Variants in PCDHGB2 observed in about 807,000 individuals in gnomAD.
PCDHGB2 encodes protocadherin gamma subfamily B, 2.
PCDHGB2 carries 55 observed loss-of-function variants against 59.3 expected under a neutral mutation model. That is an observed-to-expected ratio of 0.93 (90% CI 0.75 to 1.16). The LOEUF (loss-of-function observed/expected upper bound fraction) is 1.16, where lower values mean the gene tolerates loss of function less well. Ranked by LOEUF, PCDHGB2 falls within the 50% of genes most tolerant of loss-of-function variation. The pLI, the probability that PCDHGB2 is intolerant of heterozygous loss-of-function variation, is 0.00. For missense variants in PCDHGB2, 1,228 were observed against 1,198.5 expected, an observed-to-expected ratio of 1.02 and a Z score of -0.36; for synonymous variants, 516 against 512.0, an observed-to-expected ratio of 1.01 and a Z score of -0.11.
At chr5:141,469,142 G>A (rs1473440049) in intron 1 of PCDHGB2, among the ~76,000 whole-genome samples, 3 of 152,024 alleles carry the variant, frequency 2.0e-5, no homozygotes, top group East Asian at 1.9e-4. Flanking sequence ...CAGAAATGGT[G>A]GCACATGTCT....
chr5:141,488,548 T>C (rs112676623), intron 1 of PCDHGB2, among the ~76,000 whole-genome samples: 2 of 152,318 alleles, frequency 1.3e-5, no homozygotes, highest in African/African-American at 4.8e-5. Flanking sequence ...CCATGTCAGC[T>C]GACATTGAGA....
intron 1 of PCDHGB2, among the ~76,000 whole-genome samples, chr5:141,448,016 G>A (rs903673535): frequency 6.6e-6 from 1 of 152,006 alleles, no homozygotes; most frequent in South Asian, 2.1e-4. Context: ...AACCCAGGAG[G>A]TGGAGGTTGC....
chr5:141,382,530 G>A (rs1043069134), intron 1 of PCDHGB2, among the ~76,000 whole-genome samples: 2 of 152,150 alleles, frequency 1.3e-5, no homozygotes, highest in Non-Finnish European at 2.9e-5. Context: ...GTCTTAAAAT[G>A]GATTTTTAAT....
chr5:141,464,273 A>G (rs1330533734), intron 1 of PCDHGB2, among the ~76,000 whole-genome samples: 1 of 136,736 alleles, frequency 7.3e-6, no homozygotes, highest in African/African-American at 3.0e-5. Context: ...TAAAAAAAAA[A>G]AAAAGCAAAA....
At chr5:141,449,588 CAAAAAAA>C (rs768743917) in intron 1 of PCDHGB2, among the ~76,000 whole-genome samples, 5 of 57,506 alleles carry the variant, frequency 8.7e-5, no homozygotes, top group Admixed American at 3.6e-4. Flanking sequence ...GACTCTGTCT[CAAAAAAA>C]AAAAAAAAAA....
chr5:141,467,162 C>T (rs765574629), intron 1 of PCDHGB2, among the ~76,000 whole-genome samples: 1 of 151,724 alleles, frequency 6.6e-6, no homozygotes, highest in Non-Finnish European at 1.5e-5. Flanking sequence ...AAGTGATTCT[C>T]ATCTCTCAGC....
rs2099693161 is a variant in PCDHGB2, at chr5:141,489,871, G to T, written c.2422-4936G>T. ...TGAAGCCCAGGCAAGACATCAGCTG[G>T]TGCTTACTGCTGTGGATGGGGGGAC... On this transcript the variant is annotated intron_variant, in intron 1 of 3. Coordinates refer to ENST00000522605, the MANE Select transcript of PCDHGB2 (RefSeq NM_018923.3). This position sits in a 1 kb window ranked among gnomAD's most constrained non-coding sequence, Gnocchi z 4.5. The T allele has an allele frequency of 6.2e-7, 1 of 1,614,088 alleles. No homozygotes were observed. Among genetic ancestry groups the T allele is most frequent in the Non-Finnish European group, 8.5e-7 (1 of 1,180,022 alleles).
intron 1 of PCDHGB2, among the ~76,000 whole-genome samples, chr5:141,386,638 G>A (rs1376557329): frequency 6.6e-6 from 1 of 151,840 alleles, no homozygotes; most frequent in Non-Finnish European, 1.5e-5. Flanking sequence ...CACCCAGGCT[G>A]GATACATTTT....
chr5:141,403,544 C>A (rs1300060255), intron 1 of PCDHGB2: 2 of 1,613,970 alleles, frequency 1.2e-6, no homozygotes, highest in South Asian at 1.1e-5. Flanking sequence ...GGTGCTGGAG[C>A]GCGCCCTGGA....
intron 1 of PCDHGB2, among the ~76,000 whole-genome samples, chr5:141,459,742 T>C (rs2098974738): frequency 6.6e-6 from 1 of 152,248 alleles, no homozygotes; most frequent in Non-Finnish European, 1.5e-5. Context: ...TTTTAAATTT[T>C]AGCAATTCTA....
intron 1 of PCDHGB2, chr5:141,404,208 A>G (rs1411239715): frequency 6.2e-7 from 1 of 1,613,782 alleles, no homozygotes; most frequent in Admixed American, 1.7e-5. Flanking sequence ...TCAGAATATA[A>G]TATCACGGTG....
chr5:141,375,186 T>C, intron 1 of PCDHGB2: 1 of 1,613,988 alleles, frequency 6.2e-7, no homozygotes, highest in Non-Finnish European at 8.5e-7. Context: ...GTAATCGCCC[T>C]TTTTCAAGTG....
intron 1 of PCDHGB2, chr5:141,414,409 A>G: frequency 1.2e-6 from 2 of 1,613,870 alleles, no homozygotes; most frequent in Non-Finnish European, 8.5e-7. Flanking sequence ...GGTGATACAC[A>G]GAGCCCTTGA....
At chr5:141,468,748 C>T (rs2099176836) in intron 1 of PCDHGB2, among the ~76,000 whole-genome samples, 1 of 151,866 alleles carries the variant, frequency 6.6e-6, no homozygotes, top group South Asian at 2.1e-4. Context: ...TGCCTGTAGT[C>T]CCAGCTACTC....
chr5:141,457,899 C>CA (rs2098931976), intron 1 of PCDHGB2, among the ~76,000 whole-genome samples: 1 of 148,818 alleles, frequency 6.7e-6, no homozygotes, highest in Admixed American at 6.7e-5. Context: ...ACTGTGTAGA[C>CA]AAGGTGTGAG....
At chr5:141,400,681 T>A in intron 1 of PCDHGB2, 1 of 834,118 alleles carries the variant, frequency 1.2e-6, no homozygotes, top group Non-Finnish European at 1.9e-6. Context: ...CAGTAAATTG[T>A]GAGTTTTTAT....
chr5:141,402,944 G>A (rs1487270083), intron 1 of PCDHGB2: 2 of 1,592,136 alleles, frequency 1.3e-6, no homozygotes, highest in Non-Finnish European at 1.7e-6. Context: ...ATTCCAAAGC[G>A]AGGCAGCAAT....
rs1212381177 is a variant in PCDHGB2 at position 141,438,571 on chromosome 5, TATAC to T, written c.2422-56216_2422-56213del. ...GCCCTAATAAGAGGCAGCTGTCTGATATACATACATACATACATACATATATATA... is the reference window on the plus strand; with the variant it reads ...GCCCTAATAAGAGGCAGCTGTCTGATATACATACATACATACATATATATA... On this transcript the variant is annotated intron_variant, in intron 1 of 3. Transcript: ENST00000522605. 9.4e-4 allele frequency among the ~76,000 whole-genome samples: 89 copies of T among 94,500 alleles called. 1 individual carries two copies. The highest frequency in any genetic ancestry group is 1.8e-3 in the African/African-American group (37 of 20,720). The allele number at this position is 94,500 out of a possible 152,430, so 62.0% of individuals were successfully genotyped here.
At chr5:141,483,840 T>C (rs996866862) in intron 1 of PCDHGB2, among the ~76,000 whole-genome samples, 2 of 152,172 alleles carry the variant, frequency 1.3e-5, no homozygotes, top group South Asian at 2.1e-4. Context: ...AAGGACTTGG[T>C]TGAATTAAGA....
Sources: allele counts gnomAD v4.1 joint callset (sites outside exome capture counted in the v4.1 genomes callset), GRCh38; gene constraint gnomAD v4.1.1; non-coding constraint Gnocchi (gnomAD v3.1); transcripts MANE v1.5; gene names NCBI Gene and HGNC (gene_info 2026-07-23, HGNC 2026-07-21).